NAT10: variants seen among roughly 807,000 people sequenced by gnomAD.
The protein encoded by NAT10 is RNA cytidine acetyltransferase.
A neutral mutation model predicts 132.2 loss-of-function variants in NAT10; 109 were observed. That is an observed-to-expected ratio of 0.82 (90% CI 0.71 to 0.97). NAT10 has a LOEUF of 0.97. Among genes scored for constraint, NAT10 ranks in the 50% least tolerant of loss-of-function variants. The pLI is 0.00. For synonymous variants in NAT10, 479 were observed against 478.0 expected (o/e 1.00, Z -0.03); for missense variants, 1,184 against 1,263.4 (o/e 0.94, Z 0.95).
chr11:34,137,120 G>A, intron 21 of NAT10, 94 bp downstream of exon 21: 1 of 1,348,478 alleles, frequency 7.4e-7, no homozygotes, highest in Non-Finnish European at 1.1e-6. Flanking sequence ...CCTCCCTGCT[G>A]CATCGCTCTG....
chr11:34,122,559 T>A lies in NAT10; in HGVS notation c.881T>A (p.Leu294Gln), dbSNP rs376383993. The change falls in exon 9 of 29, where the codon CTG (leucine) becomes CAG (glutamine). Residue 294 changes from leucine (L) to glutamine (Q), a missense_variant. Physicochemically the swap from Leu to Gln is moderately radical, Grantham distance 113 (BLOSUM62 -2). Coordinates refer to ENST00000257829, the MANE Select transcript of NAT10 (RefSeq NM_024662.3). The stretch of plus-strand genomic sequence containing the variant: ...CGAGGACGGGGAAAATCTGCAGCCC[T>A]GGGATTGGCGATTGCTGGGGCGGTG... ...AARGRGKSAA[L>Q]GLAIAGAVAF... 7.2e-5 allele frequency: 116 copies of A among 1,614,092 alleles called. 2 individuals are homozygous for A. In the South Asian group the frequency reaches 9.3e-4, roughly 13 times the overall value.
chr11:34,111,019 T>C (rs2957484), intron 3 of NAT10, among the ~76,000 whole-genome samples: 151,748 of 152,354 alleles, frequency 1, 75,577 homozygotes, highest in East Asian at 1. Context: ...AGGCCTGTTG[T>C]CTATCCCAGA....
At chr11:34,110,170 G>A (rs569080908) in intron 3 of NAT10, among the ~76,000 whole-genome samples, 139 of 152,120 alleles carry the variant, frequency 9.1e-4, no homozygotes, top group African/African-American at 3.1e-3. Context: ...TCTGGATCTC[G>A]TCTCCTTACT....
At chr11:34,136,142 C>T (rs1852208280) in intron 19 of NAT10, among the ~76,000 whole-genome samples, 2 of 150,008 alleles carry the variant, frequency 1.3e-5, no homozygotes, top group Admixed American at 6.7e-5. Flanking sequence ...AGTGTAATGG[C>T]GTGATCTCAG....
At chr11:34,138,093 T>A (rs1852250754) in intron 21 of NAT10, among the ~76,000 whole-genome samples, 1 of 152,078 alleles carries the variant, frequency 6.6e-6, no homozygotes, top group South Asian at 2.1e-4. Context: ...GATGGGAGAT[T>A]CTAGAGAATG....
At chr11:34,145,956 A>G in intron 28 of NAT10, 128 bp from the exon 29 acceptor site, 1 of 637,874 alleles carries the variant, frequency 1.6e-6, no homozygotes. Flanking sequence ...ATTAATGTCC[A>G]ATTGGGTGGC....
Position 34,118,400 on chromosome 11 carries a change from A to G in NAT10, c.677A>G (p.Glu226Gly), listed in dbSNP as rs910899451. ...MEALPPQTPD[E>G]SLGPSDLELR... ...CCCTTCTCCTCTCTCTGGTAGGATG[A>G]GAGTCTTGGTCCTTCTGATCTGGAG... Residue 226 changes from glutamate (E) to glycine (G), a missense_variant, in exon 8 of 29, where the codon GAG becomes GGG. By Grantham distance (98) the Glu-to-Gly change is moderately conservative (BLOSUM62 -2). Coordinates refer to ENST00000257829, the MANE Select transcript of NAT10 (RefSeq NM_024662.3). The G allele has an allele frequency of 6.2e-7, 1 of 1,613,950 alleles. No individual in the cohort carries two copies.
Position 34,140,432 on chromosome 11 carries a change from C to A in NAT10, c.2452C>A (p.Leu818Ile). The stretch of plus-strand genomic sequence containing the variant: ...CCGGGAGGAGCTGGAAGCACTCTTC[C>A]TCCCCTATGACCTGAAGCGGCTGGA... The part of the protein sequence containing the change: ...LSREELEALF[L>I]PYDLKRLEMY... Residue 818 changes from leucine to isoleucine, a missense_variant, in exon 24 of 29, where the codon CTC becomes ATC. Coordinates refer to ENST00000257829, the MANE Select transcript of NAT10 (RefSeq NM_024662.3). 2.5e-6 allele frequency: 4 copies of A among 1,614,100 alleles called. No individual in the cohort carries two copies. Among genetic ancestry groups the A allele is most frequent in the Non-Finnish European group, 3.4e-6 (4 of 1,179,946 alleles).
intron 11 of NAT10, among the ~76,000 whole-genome samples, chr11:34,126,977 G>A (rs1053653085): frequency 6.6e-6 from 1 of 152,138 alleles, no homozygotes; most frequent in African/African-American, 2.4e-5. Context: ...TGAGAAATCC[G>A]ACATCCTCCT....
In NAT10 at chr11:34,142,353, G is replaced by T; in HGVS notation, c.2885+5G>T. The T allele has an allele frequency of 6.2e-7, 1 of 1,613,820 alleles. No individual in the cohort carries two copies. Among genetic ancestry groups the T allele is most frequent in the East Asian group, 2.2e-5 (1 of 44,872 alleles). ...GAAGAGCATGGACCTCTCTGAGTAAGGCTTGTGGGAAGCAGAGGGTTTGCC... is the reference window on the plus strand; with the variant it reads ...GAAGAGCATGGACCTCTCTGAGTAATGCTTGTGGGAAGCAGAGGGTTTGCC... On this transcript the variant is annotated splice_donor_5th_base_variant and intron_variant, in intron 27 of 28. Coordinates refer to ENST00000257829, the MANE Select transcript of NAT10 (RefSeq NM_024662.3).
rs759639838 is a variant in NAT10, at chr11:34,140,452, G to T, written c.2472G>T (p.Arg824=). 2 of 1,614,224 alleles carry T rather than the reference G, an allele frequency of 1.2e-6. No individual in the cohort carries two copies. The highest frequency in any genetic ancestry group is 1.7e-6 in the Non-Finnish European group (2 of 1,180,024). Residue 824 remains arginine (R), a synonymous_variant, in exon 24 of 29, where the codon CGG becomes CGT. Transcript: ENST00000257829. The part of the protein sequence containing the change: ...EALFLPYDLK[R]LEMYSRNMVD... ...TCTTCCTCCCCTATGACCTGAAGCG[G>T]CTGGAGATGTATTCACGGAATATGG...
chr11:34,136,759 A>AC lies in NAT10; in HGVS notation c.2151dup (p.Arg718GlnfsTer22), dbSNP rs777523466. On this transcript the variant is annotated frameshift_variant, in exon 20 of 29. Coordinates refer to ENST00000257829, the MANE Select transcript of NAT10 (RefSeq NM_024662.3). LOFTEE classifies it high-confidence loss of function. ...TTACCTGGGTGTTTCCTATGGCTTG[A>AC]CCCCCAGGCTCCTCAAGTAAGTGCC... 2 of 1,613,556 alleles carry AC rather than the reference A, an allele frequency of 1.2e-6. No homozygotes were observed. Among genetic ancestry groups the AC allele is most frequent in the African/African-American group, 2.7e-5 (2 of 74,708 alleles).
rs1327321820 is a variant in NAT10 at position 34,139,415 on chromosome 11, C to T, written c.2339C>T (p.Ser780Phe). The T allele has an allele frequency of 1.2e-5, 20 of 1,614,164 alleles. No individual in the cohort carries two copies. The highest frequency in any genetic ancestry group is 2.2e-5 in the South Asian group (2 of 91,070). Residue 780 changes from serine (S) to phenylalanine (F), a missense_variant, in exon 23 of 29, where the codon TCC (serine) becomes TTC (phenylalanine). Coordinates refer to ENST00000257829, the MANE Select transcript of NAT10 (RefSeq NM_024662.3). ...CGACGGCGGTTCCTAGCCTTGCTCT[C>T]CTACCAGTTCAGTACCTTCTCTCCT... Reference protein sequence around the residue: ...DFRRRFLALLSYQFSTFSPSL... With the variant: ...DFRRRFLALLFYQFSTFSPSL...
At chr11:34,110,558 CCTT>C (rs1851676152) in intron 3 of NAT10, among the ~76,000 whole-genome samples, 1 of 134,862 alleles carries the variant, frequency 7.4e-6, no homozygotes, top group African/African-American at 3.0e-5. Flanking sequence ...TTTTTCTTTC[CCTT>C]TTTTTTTTTT....
chr11:34,141,094 TCTC>T lies in NAT10; in HGVS notation c.2599_2601del (p.Leu868del). ...GCAGATTTTCCATCCTTTAGGCTCTTCTCTTGGGGATTGGCCTGCAGCATAAGT... is the reference window on the plus strand; with the variant it reads ...GCAGATTTTCCATCCTTTAGGCTCTTTTGGGGATTGGCCTGCAGCATAAGT... On this transcript the variant is annotated inframe_deletion, in exon 25 of 29. Transcript: ENST00000257829. The T allele has an allele frequency of 6.2e-7, 1 of 1,613,826 alleles. No homozygotes were observed.
intron 24 of NAT10, 39 bp downstream of exon 24, chr11:34,140,611 T>C (rs771034713): frequency 1.3e-6 from 2 of 1,594,002 alleles, no homozygotes; most frequent in African/African-American, 2.7e-5. Context: ...GAAGCGAGGA[T>C]TGTGGAGCTG....
intron 19 of NAT10, 93 bp from the exon 20 acceptor site, chr11:34,136,549 G>T: frequency 6.8e-7 from 1 of 1,479,966 alleles, no homozygotes; most frequent in Non-Finnish European, 9.2e-7. Context: ...AGTTTTTGTT[G>T]TGCTAAGTCC....
rs777560277 is a variant in NAT10 at position 34,124,415 on chromosome 11, C to T, written c.1107+15C>T. 1.3e-6 allele frequency: 2 copies of T among 1,592,524 alleles called. No individual in the cohort carries two copies. The highest frequency in any genetic ancestry group is 1.7e-6 in the Non-Finnish European group (2 of 1,161,420). ...AGACTATTCAGGTGAGGCTTGTTCTCAGACCCTGATGTGCAGGGCCAGTGT... is the reference window on the plus strand; with the variant it reads ...AGACTATTCAGGTGAGGCTTGTTCTTAGACCCTGATGTGCAGGGCCAGTGT... On this transcript the variant is annotated intron_variant, in intron 11 of 28. Transcript: ENST00000257829.
At chr11:34,132,297 A>G in intron 15 of NAT10, 76 bp downstream of exon 15, 3 of 1,182,752 alleles carry the variant, frequency 2.5e-6, no homozygotes, top group East Asian at 4.7e-5. Context: ...CTTGATTTGC[A>G]TATTTTATTA....
Sources: gnomAD v4.1 joint callset for allele counts (sites outside exome capture counted in the v4.1 genomes callset) on GRCh38, gnomAD v4.1.1 for gene constraint, MANE v1.5 for transcripts, NCBI Gene and HGNC (gene_info 2026-07-23, HGNC 2026-07-21) for gene names.